PCDHGA5: variants seen among roughly 807,000 people sequenced by gnomAD.
PCDHGA5 encodes the protein protocadherin gamma-A5.
In PCDHGA5, 36 loss-of-function variants were observed where a neutral mutation model predicts 56.7. The ratio of observed to expected loss-of-function variants is 0.64; its 90% CI spans 0.49 to 0.84. PCDHGA5 has a LOEUF of 0.84. PCDHGA5 is among the 40% of genes least tolerant of loss of function. The probability of loss-of-function intolerance (pLI) is 0.00; values close to 1 mark genes in which losing one functional copy is unlikely to be tolerated. For synonymous variants in PCDHGA5, 563 were observed against 520.2 expected (o/e 1.08, Z -1.12); for missense variants, 1,305 against 1,201.5 (o/e 1.09, Z -1.27).
At chr5:141,446,129 A>C (rs1488078150) in intron 1 of PCDHGA5, among the ~76,000 whole-genome samples, 1 of 152,204 alleles carries the variant, frequency 6.6e-6, no homozygotes, top group Non-Finnish European at 1.5e-5. Flanking sequence ...GTTCAATAAG[A>C]CTTAATAATG....
intron 1 of PCDHGA5, chr5:141,492,079 G>A (rs1400390407): frequency 4.1e-6 from 2 of 486,168 alleles, no homozygotes; most frequent in African/African-American, 2.0e-5. Context: ...CGCCGGCTCC[G>A]GCACGCTTCG....
chr5:141,367,756 T>A (rs1485436627), intron 1 of PCDHGA5: 1 of 152,192 alleles, frequency 6.6e-6, no homozygotes, highest in Non-Finnish European at 1.5e-5. Flanking sequence ...TACATACTGC[T>A]GCACTCAATA....
intron 1 of PCDHGA5, chr5:141,384,813 C>G: frequency 6.2e-7 from 1 of 1,613,412 alleles, no homozygotes. Flanking sequence ...GAGATGCCCT[C>G]AAGCAGAGCC....
Position 141,504,677 on chromosome 5 carries a change from T to C in PCDHGA5, c.2481-716T>C, listed in dbSNP as rs552242248. 4.7e-5 allele frequency among the ~76,000 whole-genome samples: 7 copies of C among 147,580 alleles called. No homozygotes were observed. In the East Asian group the frequency reaches 1.5e-3, roughly 31 times the overall value. ...TTTGAGGGCGGGGGGTGGGGGTTCT[T>C]GTAAAATAGGAGGGGCAGGTTCTTC... On this transcript the variant is annotated intron_variant, in intron 2 of 3. Transcript: ENST00000518069.
At chr5:141,402,597 T>G (rs1268830791) in intron 1 of PCDHGA5, among the ~76,000 whole-genome samples, 1 of 152,254 alleles carries the variant, frequency 6.6e-6, no homozygotes, top group African/African-American at 2.4e-5. Context: ...TAGATTGCTT[T>G]TGAAATACAA....
intron 1 of PCDHGA5, chr5:141,394,811 C>G (rs1225635250): frequency 7.4e-6 from 12 of 1,613,770 alleles, no homozygotes; most frequent in Non-Finnish European, 1.0e-5. Flanking sequence ...CCGTGGCTGA[C>G]AGCATCCCCG....
At chr5:141,387,320 A>C (rs1461293740) in intron 1 of PCDHGA5, among the ~76,000 whole-genome samples, 1 of 152,234 alleles carries the variant, frequency 6.6e-6, no homozygotes, top group East Asian at 1.9e-4. Flanking sequence ...ATGAGTAAGT[A>C]TGGAAAATTA....
At chr5:141,427,059 G>C (rs751016646) in intron 1 of PCDHGA5, 1 of 457,744 alleles carries the variant, frequency 2.2e-6, no homozygotes, top group South Asian at 1.5e-5. Context: ...AGGCACCTCT[G>C]TACTAAAGGT....
intron 1 of PCDHGA5, among the ~76,000 whole-genome samples, chr5:141,469,667 T>C (rs62379201): frequency 0.22 from 32,952 of 152,218 alleles, 3,707 homozygotes; most frequent in African/African-American, 0.28. Flanking sequence ...CTTGTTCTAA[T>C]AAAACTACAT....
chr5:141,415,747 T>TTTG, intron 1 of PCDHGA5: 1 of 797,602 alleles, frequency 1.3e-6, no homozygotes, highest in East Asian at 4.8e-5. Flanking sequence ...AAGGTTTTTT[T>TTTG]TTTTTTTTTT....
At chr5:141,503,981 C>T (rs774655880) in intron 2 of PCDHGA5, among the ~76,000 whole-genome samples, 4 of 152,300 alleles carry the variant, frequency 2.6e-5, no homozygotes, top group East Asian at 1.9e-4. Flanking sequence ...CCAAACCCTT[C>T]TTCTTACCTT....
At chr5:141,368,404 C>G (rs778461695) in intron 1 of PCDHGA5, among the ~76,000 whole-genome samples, 1 of 152,034 alleles carries the variant, frequency 6.6e-6, no homozygotes, top group Non-Finnish European at 1.5e-5. Context: ...AACACACATA[C>G]ATACACACAT....
At position 141,486,637 on chromosome 5, in the gene PCDHGA5, G is replaced by C. The variant is rs761072169; in HGVS notation, c.2422-8170G>C. 28 of 1,613,638 alleles carry C rather than the reference G, an allele frequency of 1.7e-5. No homozygotes were observed. The highest frequency in any genetic ancestry group is 1.1e-5 in the Non-Finnish European group (13 of 1,180,034). ...CTGACCCAGACTCTGGCTTGAATGC[G>C]CTTATCTCCTACTCACTCCTGGAGC... On this transcript the variant is annotated intron_variant, in intron 1 of 3. Transcript: ENST00000518069. This position sits in a 1 kb window ranked among gnomAD's most constrained non-coding sequence, Gnocchi z 5.0.
At chr5:141,430,837 CG>C in intron 1 of PCDHGA5, 1 of 1,560,074 alleles carries the variant, frequency 6.4e-7, no homozygotes, top group African/African-American at 1.4e-5. Flanking sequence ...TGTGGGAGAC[CG>C]GATGCACCCA....
At chr5:141,413,364 G>A (rs759265336) in intron 1 of PCDHGA5, 14 of 1,613,870 alleles carry the variant, frequency 8.7e-6, no homozygotes, top group African/African-American at 5.3e-5. Flanking sequence ...CCCGGGAGCT[G>A]GCGGAGCGCG....
chr5:141,427,820 G>A (rs2097075272), intron 1 of PCDHGA5: 2 of 1,532,144 alleles, frequency 1.3e-6, no homozygotes, highest in East Asian at 4.5e-5. Flanking sequence ...GCGGGGTGGT[G>A]GTCGCGCAGC....
rs1413611606 is a variant in PCDHGA5, at chr5:141,368,566, G to A, written c.2421+1815G>A. Among the ~76,000 whole-genome samples, 6 of 152,186 alleles carry A rather than the reference G, an allele frequency of 3.9e-5. No individual in the cohort carries two copies. The East Asian group carries it at 1.2e-3, about 29-fold the overall frequency. On this transcript the variant is annotated intron_variant, in intron 1 of 3. Coordinates refer to ENST00000518069, the MANE Select transcript of PCDHGA5 (RefSeq NM_018918.3). ...TTTTTTTTAAAAGAAAATGTTATATGCTTCTTAGGGTAAGGTGTTTGGGAA... is the reference window on the plus strand; with the variant it reads ...TTTTTTTTAAAAGAAAATGTTATATACTTCTTAGGGTAAGGTGTTTGGGAA...
In PCDHGA5 at chr5:141,490,751, C is replaced by T. The variant is rs2099703884; in HGVS notation, c.2422-4056C>T. 6.2e-6 allele frequency: 10 copies of T among 1,614,092 alleles called. No individual in the cohort carries two copies. The highest frequency in any genetic ancestry group is 1.7e-5 in the Admixed American group (1 of 60,012). ...AATCAGGTTCAGGGAGCCCCAGCCT[C>T]CTCCTTTGTGTATGTCAACCCAGAG... On this transcript the variant is annotated intron_variant, in intron 1 of 3. Coordinates refer to ENST00000518069, the MANE Select transcript of PCDHGA5 (RefSeq NM_018918.3). This position sits in a 1 kb window ranked among gnomAD's most constrained non-coding sequence, Gnocchi z 5.4.
chr5:141,422,421 T>C, intron 1 of PCDHGA5: 1 of 1,607,810 alleles, frequency 6.2e-7, no homozygotes, highest in Non-Finnish European at 8.5e-7. Context: ...TAGAAAAGAC[T>C]TATGGAAATT....
Sources: gnomAD v4.1 joint callset for allele counts (sites outside exome capture counted in the v4.1 genomes callset) on GRCh38, gnomAD v4.1.1 for gene constraint, Gnocchi (gnomAD v3.1) non-coding constraint, MANE v1.5 for transcripts, NCBI Gene and HGNC (gene_info 2026-07-23, HGNC 2026-07-21) for gene names.